GON4L: variants seen among roughly 807,000 people sequenced by gnomAD.
The protein encoded by GON4L is GON-4-like protein.
GON4L carries 87 observed loss-of-function variants against 211.8 expected under a neutral mutation model. The observed-to-expected ratio is 0.41, with a 90% CI of 0.35 to 0.49. The LOEUF is 0.49. GON4L is among the 20% of genes least tolerant of loss of function. The pLI is 0.15. For synonymous variants in GON4L, 875 were observed against 962.6 expected, an observed-to-expected ratio of 0.91 and a Z score of 1.68; for missense variants, 2,155 against 2,659.5, an observed-to-expected ratio of 0.81 and a Z score of 4.17.
intron 14 of GON4L, among the ~76,000 whole-genome samples, chr1:155,781,897 C>T (rs2101888329): frequency 6.6e-6 from 1 of 152,288 alleles, no homozygotes; most frequent in East Asian, 1.9e-4. Context: ...GCTGGGATTA[C>T]AGGCGTGTGC....
At chr1:155,802,937 CAG>C (rs1165445860) in intron 11 of GON4L, among the ~76,000 whole-genome samples, 1 of 152,200 alleles carries the variant, frequency 6.6e-6, no homozygotes, top group Non-Finnish European at 1.5e-5. Context: ...GCCTGGGTGA[CAG>C]AGTGAGACCC....
At position 155,752,293 on chromosome 1, in the gene GON4L, G is replaced by A. The variant is rs1660687555; in HGVS notation, c.6140C>T (p.Pro2047Leu). Reference sequence around the variant, plus strand: ...AACAGGACTCAGGAAGGAAGCAGGGGGTTCCACGGTACCAGGCAATTTCTC... The same window carrying A: ...AACAGGACTCAGGAAGGAAGCAGGGAGTTCCACGGTACCAGGCAATTTCTC... ...ETEKLPGTVEPPASFLSPVSS... is the reference protein window; with the variant it reads ...ETEKLPGTVELPASFLSPVSS... The change falls in exon 30 of 32, where the codon CCC becomes CTC. Residue 2047 changes from proline (P) to leucine (L), a missense_variant. Transcript: ENST00000368331. 2 of 1,583,704 alleles carry A rather than the reference G, an allele frequency of 1.3e-6. No homozygotes were observed. Among genetic ancestry groups the A allele is most frequent in the East Asian group, 4.5e-5 (2 of 44,712 alleles).
Position 155,765,849 on chromosome 1 carries a change from A to C in GON4L, c.3624T>G (p.Val1208=). ...LVASSVSPLI[V]SGNSVNLPIP... ...TAGGAAGATTCACAGAATTGCCAGA[A>C]ACAATTAAGGGTGAGACAGAGGAGG... is the stretch of plus-strand genomic sequence containing the variant. The change falls in exon 21 of 32, where the codon GTT becomes GTG. Residue 1208 remains valine (V), a synonymous_variant. Transcript: ENST00000368331. The C allele has an allele frequency of 6.2e-7, 1 of 1,614,210 alleles. No individual in the cohort carries two copies. Among genetic ancestry groups the C allele is most frequent in the South Asian group, 1.1e-5 (1 of 91,088 alleles).
At chr1:155,748,338 C>A, downstream of GON4L, 1 of 1,497,976 alleles carries the variant, frequency 6.7e-7, no homozygotes, top group Non-Finnish European at 9.3e-7. Flanking sequence ...TGTTAACATT[C>A]TGCCTCCACA....
chr1:155,757,783 C>T (rs1431739771), intron 25 of GON4L, 108 bp downstream of exon 25: 4 of 152,550 alleles, frequency 2.6e-5, no homozygotes, highest in Non-Finnish European at 4.8e-5. Flanking sequence ...TCCAGGAAGC[C>T]CATGAGCCTC....
intron 2 of GON4L, among the ~76,000 whole-genome samples, chr1:155,848,053 T>C (rs545497089): frequency 1.3e-5 from 2 of 152,270 alleles, no homozygotes; most frequent in African/African-American, 2.4e-5. Context: ...AATTGATGAA[T>C]AACCTGCCCT....
chr1:155,777,664 C>T lies in GON4L; in HGVS notation c.2049G>A (p.Leu683=), dbSNP rs1192560979. Residue 683 remains leucine, a synonymous_variant, in exon 15 of 32, where the codon CTG becomes CTA. Coordinates refer to ENST00000368331, the MANE Select transcript of GON4L (RefSeq NM_001282860.2). ...QSEKVHQTLI[L]DPAQRKRLQQ... Reference sequence around the variant, plus strand: ...GGAGTCTCTTCCTCTGTGCTGGGTCCAGAATCAGAGTCTGATGAACTTTCT... The same window carrying T: ...GGAGTCTCTTCCTCTGTGCTGGGTCTAGAATCAGAGTCTGATGAACTTTCT... 1 of 1,613,906 alleles carries T rather than the reference C, an allele frequency of 6.2e-7. No homozygotes were observed. The highest frequency in any genetic ancestry group is 2.2e-5 in the East Asian group (1 of 44,878).
intron 11 of GON4L, among the ~76,000 whole-genome samples, chr1:155,800,386 T>G (rs999750025): frequency 6.8e-6 from 1 of 147,648 alleles, no homozygotes. Context: ...GGTGAAACCC[T>G]GACTCTACTA....
At chr1:155,759,965 TTA>T (rs34443325) in intron 24 of GON4L, among the ~76,000 whole-genome samples, 16,772 of 144,160 alleles carry the variant, frequency 0.12, 1,981 homozygotes, top group African/African-American at 0.31. Flanking sequence ...ATTTTATATA[TTA>T]TATATATATA....
intron 10 of GON4L, among the ~76,000 whole-genome samples, chr1:155,807,004 G>GA (rs1667190155): frequency 1.3e-5 from 2 of 150,286 alleles, no homozygotes; most frequent in African/African-American, 4.9e-5. Context: ...GAGGCTGAAA[G>GA]AGAAGGATCT....
intron 2 of GON4L, among the ~76,000 whole-genome samples, chr1:155,839,088 A>C (rs1670559151): frequency 6.6e-6 from 1 of 152,140 alleles, no homozygotes; most frequent in Non-Finnish European, 1.5e-5. Context: ...AAAAAGAATA[A>C]TTGTGTCTAA....
intron 10 of GON4L, among the ~76,000 whole-genome samples, chr1:155,810,800 C>A (rs1430167948): frequency 6.6e-6 from 1 of 151,930 alleles, no homozygotes; most frequent in African/African-American, 2.4e-5. Flanking sequence ...GGTGGATCAC[C>A]TAAGGCCAGT....
chr1:155,799,094 T>C (rs1666378448), intron 11 of GON4L, among the ~76,000 whole-genome samples: 1 of 152,176 alleles, frequency 6.6e-6, no homozygotes, highest in South Asian at 2.1e-4. Flanking sequence ...TCCTAATCAT[T>C]GGCTTTGTGT....
chr1:155,763,782 C>T (rs1019109053), intron 21 of GON4L, among the ~76,000 whole-genome samples: 2 of 152,098 alleles, frequency 1.3e-5, no homozygotes, highest in African/African-American at 4.8e-5. Flanking sequence ...GTGGGTGGAT[C>T]ACTTGAGGCC....
At chr1:155,812,079 G>A (rs192534189) in intron 10 of GON4L, among the ~76,000 whole-genome samples, 7 of 151,906 alleles carry the variant, frequency 4.6e-5, no homozygotes, top group East Asian at 3.9e-4. Context: ...AAAGGAATTC[G>A]GCTTTGAAGT....
At chr1:155,810,154 C>T (rs1667611283) in intron 10 of GON4L, among the ~76,000 whole-genome samples, 1 of 150,662 alleles carries the variant, frequency 6.6e-6, no homozygotes, top group African/African-American at 2.4e-5. Context: ...TGCCACAATG[C>T]CCAGCTAATT....
At chr1:155,769,362 C>T (rs892851550) in intron 19 of GON4L, among the ~76,000 whole-genome samples, 2 of 152,092 alleles carry the variant, frequency 1.3e-5, no homozygotes, top group African/African-American at 4.8e-5. Context: ...AACAAAAACA[C>T]AGATGTAGAA....
intron 10 of GON4L, among the ~76,000 whole-genome samples, chr1:155,809,491 T>C (rs1275596995): frequency 2.7e-5 from 4 of 148,958 alleles, no homozygotes; most frequent in Admixed American, 1.4e-4. Context: ...GACTCAGAGC[T>C]ATTCCATTCA....
At chr1:155,802,139 T>C (rs1235726657) in intron 11 of GON4L, among the ~76,000 whole-genome samples, 1 of 152,206 alleles carries the variant, frequency 6.6e-6, no homozygotes, top group Non-Finnish European at 1.5e-5. Flanking sequence ...CACAGATGCA[T>C]ACCAAAGTAT....
Sources: gnomAD v4.1 joint callset for allele counts (sites outside exome capture counted in the v4.1 genomes callset) on GRCh38, gnomAD v4.1.1 for gene constraint, MANE v1.5 for transcripts, NCBI Gene and HGNC (gene_info 2026-07-23, HGNC 2026-07-21) for gene names.